ADAMTS12: variants seen among roughly 807,000 people sequenced by gnomAD.
The protein encoded by ADAMTS12 is A disintegrin and metalloproteinase with thrombospondin motifs 12.
A neutral mutation model predicts 167.8 loss-of-function variants in ADAMTS12; 118 were observed. The observed-to-expected ratio is 0.70, with a 90% CI of 0.61 to 0.82. The LOEUF (loss-of-function observed/expected upper bound fraction) is 0.82, where lower values mean the gene tolerates loss of function less well. Among genes scored for constraint, ADAMTS12 ranks in the 40% least tolerant of loss-of-function variants. ADAMTS12 has a pLI of 0.00. For synonymous variants in ADAMTS12, 704 were observed against 716.9 expected, an observed-to-expected ratio of 0.98 and a Z score of 0.29; for missense variants, 1,916 against 1,998.8, an observed-to-expected ratio of 0.96 and a Z score of 0.79.
chr5:33,661,970 T>C lies in ADAMTS12; in HGVS notation c.986A>G (p.Asn329Ser), dbSNP rs770063779. 5 of 1,613,418 alleles carry C rather than the reference T, an allele frequency of 3.1e-6. No homozygotes were observed. In the South Asian group the frequency reaches 4.4e-5, roughly 14 times the overall value. The change falls in exon 6 of 24, where the codon AAT becomes AGT. Residue 329 changes from asparagine (N) to serine (S), a missense_variant. Coordinates refer to ENST00000504830, the MANE Select transcript of ADAMTS12 (RefSeq NM_030955.4). Reference protein sequence around the residue: ...SSFCKWQKSINPKSDLNPVHH... With the variant: ...SSFCKWQKSISPKSDLNPVHH... Reference sequence around the variant, plus strand: ...AACAGGATTGAGGTCACTCTTGGGATTGATACTCTTCTGCCACTTGCAGAA... The same window carrying C: ...AACAGGATTGAGGTCACTCTTGGGACTGATACTCTTCTGCCACTTGCAGAA...
At chr5:33,737,142 C>T (rs948250354) in intron 3 of ADAMTS12, among the ~76,000 whole-genome samples, 35 of 152,120 alleles carry the variant, frequency 2.3e-4, no homozygotes, top group Non-Finnish European at 4.9e-4. Flanking sequence ...ATCTAATGGC[C>T]CTTGTTCTTG....
At chr5:33,658,107 G>A (rs1741125347) in intron 7 of ADAMTS12, 77 bp downstream of exon 7, 1 of 1,558,374 alleles carries the variant, frequency 6.4e-7, no homozygotes, top group African/African-American at 1.4e-5. Flanking sequence ...AATTTGAGGT[G>A]TGTTCACCTC....
intron 3 of ADAMTS12, among the ~76,000 whole-genome samples, chr5:33,686,820 A>T (rs1041864544): frequency 1.3e-5 from 2 of 150,644 alleles, no homozygotes; most frequent in Admixed American, 6.6e-5. Context: ...AGGGAGAGAG[A>T]TGTATATATC....
At chr5:33,848,491 G>A (rs897165770) in intron 2 of ADAMTS12, among the ~76,000 whole-genome samples, 6 of 152,206 alleles carry the variant, frequency 3.9e-5, no homozygotes, top group Admixed American at 3.3e-4. Flanking sequence ...CTGTCTGTAG[G>A]ATGTTTCCTA....
chr5:33,572,731 GT>G, intron 19 of ADAMTS12, among the ~76,000 whole-genome samples: 1 of 148,550 alleles, frequency 6.7e-6, no homozygotes, highest in Admixed American at 6.8e-5. Flanking sequence ...GCAACATAGT[GT>G]TGGAAGTTCT....
chr5:33,692,871 A>C (rs765711827), intron 3 of ADAMTS12, among the ~76,000 whole-genome samples: 8 of 152,234 alleles, frequency 5.3e-5, no homozygotes, highest in Non-Finnish European at 8.8e-5. Context: ...TTCCGGAGAA[A>C]ATAATCCCAT....
In ADAMTS12 at chr5:33,805,878, A is replaced by AT. The variant is rs1424378839; in HGVS notation, c.490-54331dup. ...ACTCCAGCCTGGGCAACAGAGTGAG[A>AT]TTTTGTCTCTGAAAAGAAAAGGGGG... On this transcript the variant is annotated intron_variant, in intron 2 of 23. Coordinates refer to ENST00000504830, the MANE Select transcript of ADAMTS12 (RefSeq NM_030955.4). Among the ~76,000 whole-genome samples the AT allele has an allele frequency of 2.6e-5, 4 of 151,234 alleles. No homozygotes were observed. In the South Asian group the frequency reaches 6.3e-4, roughly 24 times the overall value.
chr5:33,872,172 T>C (rs1189275223), intron 2 of ADAMTS12, among the ~76,000 whole-genome samples: 2 of 152,200 alleles, frequency 1.3e-5, no homozygotes, highest in Non-Finnish European at 2.9e-5. Flanking sequence ...ATCTCTCAGA[T>C]GACAGAAGCA....
intron 2 of ADAMTS12, among the ~76,000 whole-genome samples, chr5:33,878,966 C>G (rs1349841574): frequency 6.6e-6 from 1 of 152,144 alleles, no homozygotes; most frequent in Non-Finnish European, 1.5e-5. Flanking sequence ...AGGTTTCAGA[C>G]AAGCAAATCT....
rs141583521 is a variant in ADAMTS12 at position 33,834,440 on chromosome 5, C to T, written c.489+46679G>A. On this transcript the variant is annotated intron_variant, in intron 2 of 23. Coordinates refer to ENST00000504830, the MANE Select transcript of ADAMTS12 (RefSeq NM_030955.4). Reference sequence around the variant, plus strand: ...AACAATGAAATTTATCTTTGAAACACGTTTTTAGCATTCTTGAGGGTTTCC... The same window carrying T: ...AACAATGAAATTTATCTTTGAAACATGTTTTTAGCATTCTTGAGGGTTTCC... Among the ~76,000 whole-genome samples, 893 of 152,206 alleles carry T rather than the reference C, an allele frequency of 5.9e-3. 10 individuals carry two copies. Among genetic ancestry groups the T allele is most frequent in the Middle Eastern group, 0.037 (11 of 294 alleles).
At chr5:33,860,862 A>G (rs566226855) in intron 2 of ADAMTS12, among the ~76,000 whole-genome samples, 3 of 152,168 alleles carry the variant, frequency 2.0e-5, no homozygotes, top group Non-Finnish European at 4.4e-5. Context: ...AAGCCAGAAG[A>G]GTGGGGGCCG....
intron 3 of ADAMTS12, among the ~76,000 whole-genome samples, chr5:33,734,325 G>T (rs1744293402): frequency 6.6e-6 from 1 of 152,146 alleles, no homozygotes; most frequent in South Asian, 2.1e-4. Flanking sequence ...ACACAGCTCT[G>T]CAAAGCCTGA....
intron 2 of ADAMTS12, among the ~76,000 whole-genome samples, chr5:33,874,127 G>C (rs1750138462): frequency 6.6e-6 from 1 of 151,860 alleles, no homozygotes; most frequent in South Asian, 2.1e-4. Context: ...ACTATTTAGG[G>C]AATAAAAAGA....
intron 19 of ADAMTS12, among the ~76,000 whole-genome samples, chr5:33,575,264 G>A (rs535280069): frequency 1.3e-4 from 20 of 152,286 alleles, no homozygotes; most frequent in African/African-American, 3.8e-4. Flanking sequence ...TTAGGTTTCC[G>A]TTCCATCTGT....
intron 2 of ADAMTS12, among the ~76,000 whole-genome samples, chr5:33,837,988 G>A (rs1387320546): frequency 1.3e-5 from 2 of 151,894 alleles, no homozygotes; most frequent in African/African-American, 2.4e-5. Context: ...CTGTATTTGT[G>A]GTTCCGCTTA....
chr5:33,818,548 A>C (rs1450021432), intron 2 of ADAMTS12, among the ~76,000 whole-genome samples: 1 of 152,016 alleles, frequency 6.6e-6, no homozygotes, highest in Non-Finnish European at 1.5e-5. Flanking sequence ...ATGAGTGTAG[A>C]TCTATGTATG....
intron 3 of ADAMTS12, among the ~76,000 whole-genome samples, chr5:33,741,753 G>A (rs928366149): frequency 1.2e-4 from 19 of 152,010 alleles, no homozygotes; most frequent in East Asian, 7.8e-4. Flanking sequence ...TCAGCCTCCC[G>A]AGTAGCTGGA....
chr5:33,852,776 C>T (rs1376805177), intron 2 of ADAMTS12, among the ~76,000 whole-genome samples: 1 of 152,112 alleles, frequency 6.6e-6, no homozygotes, highest in African/African-American at 2.4e-5. Context: ...CTAAGAAGGT[C>T]ATTTGTATGT....
intron 3 of ADAMTS12, among the ~76,000 whole-genome samples, chr5:33,703,229 A>T (rs978784687): frequency 6.6e-6 from 1 of 152,114 alleles, no homozygotes; most frequent in African/African-American, 2.4e-5. Flanking sequence ...TCTTTTCTTT[A>T]TAACTGTTTT....
Sources: allele counts gnomAD v4.1 joint callset (sites outside exome capture counted in the v4.1 genomes callset), GRCh38; gene constraint gnomAD v4.1.1; transcripts MANE v1.5; gene names NCBI Gene and HGNC (gene_info 2026-07-23, HGNC 2026-07-21).